The following JAKMIP3 variants were observed in gnomAD, a reference collection of about 807,000 sequenced individuals.
JAKMIP3 encodes the protein Janus kinase and microtubule interacting protein 3.
Under a neutral mutation model 118.5 loss-of-function variants are expected in JAKMIP3, and 58 were observed. The ratio of observed to expected loss-of-function variants is 0.49; its 90% CI spans 0.40 to 0.61. The LOEUF (loss-of-function observed/expected upper bound fraction) is 0.61. Ranked by LOEUF, JAKMIP3 falls within the 20% of genes least tolerant of loss-of-function variation. The pLI is 0.00. For synonymous variants in JAKMIP3, 486 were observed against 451.2 expected, an observed-to-expected ratio of 1.08 and a Z score of -0.98; for missense variants, 950 against 1,109.0, an observed-to-expected ratio of 0.86 and a Z score of 2.04.
chr10:132,140,165 G>A (rs964417773), intron 9 of JAKMIP3, among the ~76,000 whole-genome samples: 3 of 152,224 alleles, frequency 2.0e-5, no homozygotes, highest in Admixed American at 6.5e-5. Flanking sequence ...TCAGGGAACC[G>A]CAGGGACGGT....
chr10:132,058,103 T>C (rs2038294401), intron 1 of JAKMIP3, among the ~76,000 whole-genome samples: 1 of 152,068 alleles, frequency 6.6e-6, no homozygotes, highest in Admixed American at 6.5e-5. Flanking sequence ...TGCTTGGTGG[T>C]GGGAATGAGT....
At chr10:132,069,861 C>T (rs887683432) in intron 1 of JAKMIP3, among the ~76,000 whole-genome samples, 4 of 152,212 alleles carry the variant, frequency 2.6e-5, no homozygotes, top group African/African-American at 9.6e-5. Context: ...CACCAATGTT[C>T]ACTGGTACCA....
chr10:132,092,808 C>T lies in JAKMIP3; in HGVS notation c.-137-11864C>T, dbSNP rs571345353. On this transcript the variant is annotated intron_variant, in intron 1 of 23. Transcript: ENST00000684848. Reference sequence around the variant, plus strand: ...CTATCCAGCTTTGTTCCATTGCTGGCGAGGAGCTGCATTCCTTTGGAGGGG... The same window carrying T: ...CTATCCAGCTTTGTTCCATTGCTGGTGAGGAGCTGCATTCCTTTGGAGGGG... Among the ~76,000 whole-genome samples, 78 of 152,198 alleles carry T rather than the reference C, an allele frequency of 5.1e-4. 1 individual carries two copies. Among genetic ancestry groups the T allele is most frequent in the Non-Finnish European group, 9.3e-4 (63 of 68,030 alleles).
At chr10:132,036,743 G>A (rs1195874613) in intron 1 of JAKMIP3, among the ~76,000 whole-genome samples, 1 of 151,080 alleles carries the variant, frequency 6.6e-6, no homozygotes, top group Non-Finnish European at 1.5e-5. Context: ...GCCTCGGTGA[G>A]CAGCGGCCGG....
intron 6 of JAKMIP3, among the ~76,000 whole-genome samples, chr10:132,136,752 C>T (rs1017451784): frequency 6.6e-6 from 1 of 152,218 alleles, no homozygotes; most frequent in Non-Finnish European, 1.5e-5. Flanking sequence ...CGATCCCCTC[C>T]AGCCATGCTT....
chr10:132,180,614 T>TGCGC lies in JAKMIP3; in HGVS notation c.*1104-1740_*1104-1739insCGCG, dbSNP rs1349846652. Among the ~76,000 whole-genome samples the TGCGC allele has an allele frequency of 4.8e-4, 15 of 31,024 alleles. 2 individuals are homozygous for TGCGC. Among genetic ancestry groups the TGCGC allele is most frequent in the African/African-American group, 1.8e-3 (11 of 6,252 alleles). 20.4% of individuals were successfully genotyped at this position (31,024 alleles called of 152,430 possible). A position where few individuals can be genotyped will look rare whatever the true frequency, so the allele number is the denominator to read the frequency against. On this transcript the variant is annotated intron_variant, in intron 23 of 23. Coordinates refer to ENST00000684848, the MANE Select transcript of JAKMIP3 (RefSeq NM_001323087.2). ...GTGTGTGTGCGTGCGCGTGTGTGTG[T>TGCGC]GCGTGTGTGTGCGTGTGTGCGTGCG... is the stretch of plus-strand genomic sequence containing the variant.
At chr10:132,165,275 A>C (rs994652973) in intron 21 of JAKMIP3, among the ~76,000 whole-genome samples, 1 of 152,184 alleles carries the variant, frequency 6.6e-6, no homozygotes, top group African/African-American at 2.4e-5. Context: ...GTCCATGCAC[A>C]TAACAGACTT....
rs191869955 is a variant in JAKMIP3 at position 132,097,034 on chromosome 10, G to A, written c.-137-7638G>A. 3.3e-4 allele frequency among the ~76,000 whole-genome samples: 50 copies of A among 152,358 alleles called. 1 individual carries two copies. The highest frequency in any genetic ancestry group is 2.5e-3 in the East Asian group (13 of 5,188). Reference sequence around the variant, plus strand: ...CCAAGGCACACAGGAGAGACGCCACGGCGAGGTGCTAGGGAAATGCAGACA... The same window carrying A: ...CCAAGGCACACAGGAGAGACGCCACAGCGAGGTGCTAGGGAAATGCAGACA... On this transcript the variant is annotated intron_variant, in intron 1 of 23. Transcript: ENST00000684848.
At chr10:132,139,684 G>T (rs1433086152) in intron 9 of JAKMIP3, among the ~76,000 whole-genome samples, 4 of 152,228 alleles carry the variant, frequency 2.6e-5, no homozygotes, top group African/African-American at 7.2e-5. Flanking sequence ...AGACGCCTTG[G>T]CCCTGTGAAG....
chr10:132,180,532 T>TGTGTGC (rs1554962685), intron 23 of JAKMIP3, among the ~76,000 whole-genome samples: 1 of 30,348 alleles, frequency 3.3e-5, no homozygotes, highest in South Asian at 1.2e-3. Flanking sequence ...ACTGTGTGTG[T>TGTGTGC]GTGTGTGTGT....
At chr10:132,072,830 G>A (rs1428917278) in intron 1 of JAKMIP3, among the ~76,000 whole-genome samples, 1 of 151,882 alleles carries the variant, frequency 6.6e-6, no homozygotes, top group Non-Finnish European at 1.5e-5. Flanking sequence ...CAGTGGCGAC[G>A]GCTGGGCTAT....
At chr10:132,103,179 C>CT (rs1315361856) in intron 1 of JAKMIP3, among the ~76,000 whole-genome samples, 2 of 151,820 alleles carry the variant, frequency 1.3e-5, no homozygotes, top group Non-Finnish European at 2.9e-5. Context: ...GGGAAAGGTG[C>CT]TTTTTTCCCT....
chr10:132,077,769 G>A (rs1245563269), intron 1 of JAKMIP3, among the ~76,000 whole-genome samples: 1 of 152,212 alleles, frequency 6.6e-6, no homozygotes, highest in Non-Finnish European at 1.5e-5. Context: ...TCCTGCCTCA[G>A]CCTCCAGAGT....
At chr10:132,125,467 G>A (rs573926984) in intron 3 of JAKMIP3, among the ~76,000 whole-genome samples, 82 of 152,376 alleles carry the variant, frequency 5.4e-4, no homozygotes, top group African/African-American at 1.7e-3. Context: ...TCTTAGTTCC[G>A]ACACTCTAAA....
At chr10:132,157,420 A>G (rs2057228012) in intron 19 of JAKMIP3, among the ~76,000 whole-genome samples, 1 of 152,150 alleles carries the variant, frequency 6.6e-6, no homozygotes, top group South Asian at 2.1e-4. Flanking sequence ...TGCATTAGCT[A>G]TCACCAGCAA....
At chr10:132,045,797 G>A (rs1433727425) in intron 1 of JAKMIP3, among the ~76,000 whole-genome samples, 1 of 151,986 alleles carries the variant, frequency 6.6e-6, no homozygotes, top group African/African-American at 2.4e-5. Flanking sequence ...AGCTGGGCTT[G>A]GTGGCACATA....
intron 1 of JAKMIP3, among the ~76,000 whole-genome samples, chr10:132,072,312 C>A (rs777083303): frequency 6.6e-6 from 1 of 151,936 alleles, no homozygotes; most frequent in Non-Finnish European, 1.5e-5. Flanking sequence ...TGGGAGGCTG[C>A]GGTGGGAGGA....
chr10:132,085,281 C>T (rs1447255413), intron 1 of JAKMIP3, among the ~76,000 whole-genome samples: 1 of 152,130 alleles, frequency 6.6e-6, no homozygotes, highest in African/African-American at 2.4e-5. Context: ...TCTGGTTCTT[C>T]CTGATTTAAG....
At chr10:132,099,381 T>C (rs752299218) in intron 1 of JAKMIP3, among the ~76,000 whole-genome samples, 2 of 152,176 alleles carry the variant, frequency 1.3e-5, no homozygotes, top group Non-Finnish European at 2.9e-5. Flanking sequence ...CTTCAGATGA[T>C]GACTGGGAAA....
Sources: allele counts gnomAD v4.1 joint callset (sites outside exome capture counted in the v4.1 genomes callset), GRCh38; gene constraint gnomAD v4.1.1; transcripts MANE v1.5; gene names NCBI Gene and HGNC (gene_info 2026-07-23, HGNC 2026-07-21).